The following RREB1 variants were observed in gnomAD, a reference collection of about 807,000 sequenced individuals.
The protein encoded by RREB1 is ras-responsive element-binding protein 1.
In RREB1, 27 loss-of-function variants were observed where a neutral mutation model predicts 117.8. The observed-to-expected ratio is 0.23, with a 90% CI of 0.17 to 0.32. The LOEUF (loss-of-function observed/expected upper bound fraction) is 0.32. Among genes scored for constraint, RREB1 ranks in the 10% least tolerant of loss-of-function variants. The pLI, the probability that RREB1 is intolerant of heterozygous loss-of-function variation, is 1.00. For synonymous variants in RREB1, 1,298 were observed against 1,026.7 expected, an observed-to-expected ratio of 1.26 and a Z score of -5.05; for missense variants, 2,577 against 2,378.2, an observed-to-expected ratio of 1.08 and a Z score of -1.74.
At chr6:7,164,659 CT>C (rs1379800278) in intron 1 of RREB1, among the ~76,000 whole-genome samples, 5 of 152,170 alleles carry the variant, frequency 3.3e-5, no homozygotes, top group African/African-American at 1.2e-4. Flanking sequence ...ATACTGAGTC[CT>C]GGATATTCAC....
chr6:7,236,150 T>C (rs1768299307), intron 10 of RREB1, among the ~76,000 whole-genome samples: 1 of 152,120 alleles, frequency 6.6e-6, no homozygotes, highest in South Asian at 2.1e-4. Context: ...GCATCTCGTG[T>C]GTTTTTAGGC....
chr6:7,211,613 C>T lies in RREB1; in HGVS notation c.611C>T (p.Ala204Val). Residue 204 changes from alanine to valine, a missense_variant, in exon 8 of 13, where the codon GCT (alanine) becomes GTT (valine). Physicochemically the swap from Ala to Val is moderately conservative, Grantham distance 64. Transcript: ENST00000379938. ...CAGTCAGGTGACTTGGAGAAGAAAG[C>T]TGATGAAGTCTTTCACTGCCCAGTA... ...DGQSGDLEKKADEVFHCPVCF... is the reference protein window; with the variant it reads ...DGQSGDLEKKVDEVFHCPVCF... 1 of 1,613,970 alleles carries T rather than the reference C, an allele frequency of 6.2e-7. No individual in the cohort carries two copies.
At chr6:7,123,832 C>A (rs906614736) in intron 1 of RREB1, among the ~76,000 whole-genome samples, 2 of 151,932 alleles carry the variant, frequency 1.3e-5, no homozygotes, top group Admixed American at 1.3e-4. Context: ...AGGATGGTCT[C>A]AATCTCCTGA....
rs773711706 is a variant in RREB1, at chr6:7,230,580, C to T, written c.2481C>T (p.Ala827=). 2.5e-6 allele frequency: 4 copies of T among 1,601,992 alleles called. No individual in the cohort carries two copies. The African/African-American group carries it at 5.4e-5, about 21-fold the overall frequency. ...PEQDIESYVL[A]ADGLGPAEAP... is the part of the protein sequence containing the mutation. ...AGGACATCGAGAGCTACGTGCTGGC[C>T]GCCGACGGCCTGGGCCCCGCAGAGG... The change falls in exon 10 of 13, where the codon GCC becomes GCT. Residue 827 remains alanine, a synonymous_variant. Transcript: ENST00000379938.
At chr6:7,219,563 G>A (rs899029495) in intron 8 of RREB1, among the ~76,000 whole-genome samples, 1 of 152,202 alleles carries the variant, frequency 6.6e-6, no homozygotes, top group East Asian at 1.9e-4. Context: ...TCGTGTGGGA[G>A]TCAGACTTCT....
At chr6:7,239,687 G>T (rs1260807749) in intron 10 of RREB1, among the ~76,000 whole-genome samples, 1 of 152,226 alleles carries the variant, frequency 6.6e-6, no homozygotes, top group African/African-American at 2.4e-5. Flanking sequence ...GTTGAGTGGA[G>T]CACATGATCA....
intron 1 of RREB1, among the ~76,000 whole-genome samples, chr6:7,147,209 G>T (rs1370734290): frequency 6.6e-6 from 1 of 152,206 alleles, no homozygotes; most frequent in Non-Finnish European, 1.5e-5. Context: ...AGAACTCATG[G>T]CAGCCGTTTT....
At chr6:7,245,030 C>T (rs560181663) in intron 11 of RREB1, among the ~76,000 whole-genome samples, 15 of 152,238 alleles carry the variant, frequency 9.9e-5, no homozygotes, top group South Asian at 2.1e-4. Flanking sequence ...GGAGGGGCAT[C>T]TCGTACTTGT....
At chr6:7,124,140 T>A (rs1010894277) in intron 1 of RREB1, among the ~76,000 whole-genome samples, 1 of 152,210 alleles carries the variant, frequency 6.6e-6, no homozygotes, top group East Asian at 1.9e-4. Flanking sequence ...TCGTTGATTT[T>A]ATTTTTTGTT....
Position 7,249,101 on chromosome 6 carries a change from G to GACAGAGAGAGACAGACAGACAGAC in RREB1, c.*134_*135insCAGAGAGAGACAGACAGACAGACA, listed in dbSNP as rs934916289. 4 of 591,898 alleles carry GACAGAGAGAGACAGACAGACAGAC rather than the reference G, an allele frequency of 6.8e-6. No homozygotes were observed. Among genetic ancestry groups the GACAGAGAGAGACAGACAGACAGAC allele is most frequent in the Admixed American group, 6.9e-5 (2 of 28,870 alleles). 36.7% of individuals were successfully genotyped at this position (591,898 alleles called of 1,614,324 possible). A position where few individuals can be genotyped will look rare whatever the true frequency, so the allele number is the denominator to read the frequency against. On this transcript the variant is annotated 3_prime_UTR_variant, in exon 13 of 13. Transcript: ENST00000379938. ...AGAGAGAGAGAGAGAGAGAGAGAGA[G>GACAGAGAGAGACAGACAGACAGAC]AGACAAGCAGGAGCGTGGCTGCTCG...
intron 8 of RREB1, chr6:7,218,250 A>C (rs536631890): frequency 9.2e-5 from 14 of 152,194 alleles, no homozygotes; most frequent in Non-Finnish European, 2.1e-4. Context: ...GAGGTCAGAT[A>C]TCTGTCCCTC....
intron 10 of RREB1, among the ~76,000 whole-genome samples, chr6:7,238,034 C>T (rs1031809402): frequency 3.9e-5 from 6 of 152,150 alleles, no homozygotes; most frequent in Admixed American, 2.0e-4. Flanking sequence ...GAGCGAGAAG[C>T]CGATTGTTTT....
intron 1 of RREB1, among the ~76,000 whole-genome samples, chr6:7,167,199 C>T (rs1290782065): frequency 1.3e-5 from 2 of 152,154 alleles, no homozygotes; most frequent in Admixed American, 6.5e-5. Context: ...TTGGTTTCAG[C>T]AGCAACTGAA....
rs115481881 is a variant in RREB1 at position 7,141,566 on chromosome 6, T to G, written c.-285+33506T>G. Reference sequence around the variant, plus strand: ...ATAGACATGAGCATGCCCACTCGCATTATGTAATTATTTCCCCAAATAAGT... The same window carrying G: ...ATAGACATGAGCATGCCCACTCGCAGTATGTAATTATTTCCCCAAATAAGT... On this transcript the variant is annotated intron_variant, in intron 1 of 12. Coordinates refer to ENST00000379938, the MANE Select transcript of RREB1 (RefSeq NM_001003699.4). Among the ~76,000 whole-genome samples the G allele has an allele frequency of 4.0e-3, 605 of 152,308 alleles. 5 individuals are homozygous for G. Among genetic ancestry groups the G allele is most frequent in the African/African-American group, 0.014 (569 of 41,580 alleles).
chr6:7,148,428 C>T (rs1396729481), intron 1 of RREB1, among the ~76,000 whole-genome samples: 1 of 151,572 alleles, frequency 6.6e-6, no homozygotes, highest in African/African-American at 2.4e-5. Flanking sequence ...CAGAGGAGCC[C>T]TCTGTGTTAT....
chr6:7,147,609 C>T (rs188837896), intron 1 of RREB1, among the ~76,000 whole-genome samples: 1 of 152,152 alleles, frequency 6.6e-6, no homozygotes, highest in Admixed American at 6.5e-5. Flanking sequence ...CCATCCATCC[C>T]GTGTCCTAAG....
intron 1 of RREB1, among the ~76,000 whole-genome samples, chr6:7,110,369 A>C (rs1240177377): frequency 6.6e-6 from 1 of 152,240 alleles, no homozygotes; most frequent in Non-Finnish European, 1.5e-5. Flanking sequence ...TTTGAAAAAC[A>C]AACGTTGAGT....
chr6:7,189,412 C>T, intron 6 of RREB1, 90 bp downstream of exon 6: 1 of 1,230,602 alleles, frequency 8.1e-7, no homozygotes, highest in Non-Finnish European at 1.1e-6. Context: ...AGAAGACTTG[C>T]CTAAAGGTAC....
chr6:7,230,529 C>G lies in RREB1; in HGVS notation c.2430C>G (p.Leu810=), dbSNP rs774665327. ...AAKRNCIHHI[L]KQHLHVPEQD... is the part of the protein sequence containing the mutation. ...AGCGCAACTGCATCCACCACATCCT[C>G]AAGCAGCACCTGCACGTGCCCGAGC... Residue 810 remains leucine (L), a synonymous_variant, in exon 10 of 13, where the codon CTC becomes CTG. Coordinates refer to ENST00000379938, the MANE Select transcript of RREB1 (RefSeq NM_001003699.4). 12 of 1,595,762 alleles carry G rather than the reference C, an allele frequency of 7.5e-6. No homozygotes were observed. The East Asian group carries it at 2.2e-4, about 30-fold the overall frequency.
Sources: gnomAD v4.1 joint callset for allele counts (sites outside exome capture counted in the v4.1 genomes callset) on GRCh38, gnomAD v4.1.1 for gene constraint, MANE v1.5 for transcripts, NCBI Gene and HGNC (gene_info 2026-07-23, HGNC 2026-07-21) for gene names.